Variants in SPIRE1 observed in about 807,000 individuals in gnomAD.
SPIRE1 encodes the protein spire type actin nucleation factor 1, also known as protein spire homolog 1.
SPIRE1 carries 40 observed loss-of-function variants against 94.1 expected under a neutral mutation model. The observed-to-expected ratio is 0.43, with a 90% CI of 0.33 to 0.55. SPIRE1 has a LOEUF of 0.55. SPIRE1 is among the 20% of genes least tolerant of loss of function. The pLI is 0.06. For missense variants in SPIRE1, 838 were observed against 975.2 expected (o/e 0.86, Z 1.87); for synonymous variants, 376 against 371.7 (o/e 1.01, Z -0.13).
chr18:12,519,642 G>T (rs1383069313), intron 4 of SPIRE1, among the ~76,000 whole-genome samples: 1 of 152,052 alleles, frequency 6.6e-6, no homozygotes, highest in Non-Finnish European at 1.5e-5. Context: ...AAGACCAATG[G>T]CTCATTAGAA....
intron 1 of SPIRE1, among the ~76,000 whole-genome samples, chr18:12,637,454 A>G (rs1451483290): frequency 6.6e-6 from 1 of 152,114 alleles, no homozygotes; most frequent in Non-Finnish European, 1.5e-5. Context: ...AAGTTTTTGT[A>G]GTACGTTTCT....
At chr18:12,556,305 A>G (rs2035501500) in intron 2 of SPIRE1, among the ~76,000 whole-genome samples, 1 of 152,232 alleles carries the variant, frequency 6.6e-6, no homozygotes, top group African/African-American at 2.4e-5. Flanking sequence ...ATAGAAAAAA[A>G]AAATCCTAAA....
At chr18:12,582,495 A>G (rs528673122) in intron 2 of SPIRE1, among the ~76,000 whole-genome samples, 38 of 152,328 alleles carry the variant, frequency 2.5e-4, no homozygotes, top group African/African-American at 9.1e-4. Context: ...AGATAAATAG[A>G]TTACTGTATA....
At chr18:12,542,709 C>G (rs921695748) in intron 3 of SPIRE1, among the ~76,000 whole-genome samples, 1 of 152,192 alleles carries the variant, frequency 6.6e-6, no homozygotes, top group African/African-American at 2.4e-5. Flanking sequence ...TTCCCAATGC[C>G]AAGGTCTTAG....
intron 4 of SPIRE1, among the ~76,000 whole-genome samples, chr18:12,513,546 G>A (rs570623016): frequency 6.7e-6 from 1 of 149,926 alleles, no homozygotes; most frequent in Admixed American, 6.6e-5. Flanking sequence ...TATTTGAGGT[G>A]GAGTTTTGCT....
chr18:12,454,769 G>A (rs571976631), intron 12 of SPIRE1, among the ~76,000 whole-genome samples: 5 of 152,184 alleles, frequency 3.3e-5, no homozygotes, highest in Admixed American at 2.6e-4. Flanking sequence ...ACTCTATTCC[G>A]TTAAGCAGGG....
intron 6 of SPIRE1, among the ~76,000 whole-genome samples, chr18:12,500,598 A>G (rs1199510325): frequency 5.3e-5 from 8 of 151,976 alleles, no homozygotes; most frequent in Non-Finnish European, 1.0e-4. Context: ...TGATCCAGCC[A>G]CTCCACTCCC....
At chr18:12,618,888 T>A (rs1337596833) in intron 2 of SPIRE1, among the ~76,000 whole-genome samples, 2 of 126,786 alleles carry the variant, frequency 1.6e-5, no homozygotes, top group African/African-American at 2.6e-5. Flanking sequence ...ACAAAAACAA[T>A]TTTTTTCCCC....
intron 12 of SPIRE1, among the ~76,000 whole-genome samples, chr18:12,461,005 G>A (rs1046481830): frequency 6.6e-6 from 1 of 152,026 alleles, no homozygotes; most frequent in Admixed American, 6.6e-5. Context: ...TGAGCAGAGC[G>A]GCTCTCCCAC....
At position 12,616,846 on chromosome 18, in the gene SPIRE1, CA is replaced by C. The variant is rs1165559717; in HGVS notation, c.372+18215del. Among the ~76,000 whole-genome samples the C allele has an allele frequency of 5.3e-5, 8 of 152,220 alleles. No homozygotes were observed. The East Asian group carries it at 1.5e-3, about 29-fold the overall frequency. ...TGGTAAACCAACAATTCTTTGTATT[CA>C]TTTTATTTATTTTATCATTATTATT... On this transcript the variant is annotated intron_variant, in intron 2 of 16. Transcript: ENST00000409402.
At chr18:12,606,666 G>C (rs2036986471) in intron 2 of SPIRE1, among the ~76,000 whole-genome samples, 1 of 152,064 alleles carries the variant, frequency 6.6e-6, no homozygotes, top group African/African-American at 2.4e-5. Flanking sequence ...GAGTAGCTGG[G>C]ATTACAAGCA....
chr18:12,624,762 G>C (rs959669937), intron 2 of SPIRE1, among the ~76,000 whole-genome samples: 2 of 150,008 alleles, frequency 1.3e-5, no homozygotes, highest in Non-Finnish European at 3.0e-5. Flanking sequence ...AACCTGGGAG[G>C]CAGAGGTTGC....
chr18:12,476,053 C>A (rs1374164412), intron 10 of SPIRE1, among the ~76,000 whole-genome samples: 1 of 152,150 alleles, frequency 6.6e-6, no homozygotes, highest in Non-Finnish European at 1.5e-5. Flanking sequence ...AGTTGATGAT[C>A]TGAAATTAGC....
chr18:12,634,821 G>C (rs2037878707), intron 2 of SPIRE1, among the ~76,000 whole-genome samples: 1 of 151,940 alleles, frequency 6.6e-6, no homozygotes, highest in Admixed American at 6.6e-5. Context: ...TATAATCCCA[G>C]CCAGTCAGAA....
intron 2 of SPIRE1, 80 bp from the exon 3 acceptor site, chr18:12,546,984 T>C (rs2035192655): frequency 1.0e-6 from 1 of 958,698 alleles, no homozygotes; most frequent in Admixed American, 2.7e-5. Context: ...AGATGTTTAG[T>C]ATGATTTTTT....
chr18:12,471,082 C>T (rs1373802993), intron 10 of SPIRE1, among the ~76,000 whole-genome samples: 2 of 117,650 alleles, frequency 1.7e-5, no homozygotes, highest in Admixed American at 9.5e-5. Flanking sequence ...GATATGGCTA[C>T]AATCAAAACT....
intron 2 of SPIRE1, among the ~76,000 whole-genome samples, chr18:12,594,904 T>C (rs1167096125): frequency 6.6e-6 from 1 of 152,234 alleles, no homozygotes; most frequent in East Asian, 1.9e-4. Context: ...ACCATTATGA[T>C]GATCAATCTC....
chr18:12,452,450 G>A (rs1416917442), intron 15 of SPIRE1, 35 bp downstream of exon 15: 1 of 1,614,102 alleles, frequency 6.2e-7, no homozygotes, highest in South Asian at 1.1e-5. Flanking sequence ...GTCACTAAAA[G>A]GAACACAAGT....
chr18:12,601,101 T>C (rs1335228842), intron 2 of SPIRE1, among the ~76,000 whole-genome samples: 1 of 152,124 alleles, frequency 6.6e-6, no homozygotes, highest in Non-Finnish European at 1.5e-5. Flanking sequence ...TCCTGAGTCC[T>C]TGTGACCTCT....
Sources: allele counts gnomAD v4.1 joint callset (sites outside exome capture counted in the v4.1 genomes callset), GRCh38; gene constraint gnomAD v4.1.1; transcripts MANE v1.5; gene names NCBI Gene and HGNC (gene_info 2026-07-23, HGNC 2026-07-21).